GRIA4: variants seen among roughly 807,000 people sequenced by gnomAD.
GRIA4 encodes glutamate receptor 4.
In GRIA4, 34 loss-of-function variants were observed where a neutral mutation model predicts 104.0. The ratio of observed to expected loss-of-function variants is 0.33; its 90% confidence interval spans 0.25 to 0.44. GRIA4 has a LOEUF of 0.44. GRIA4 is among the 20% of genes least tolerant of loss of function. The probability of loss-of-function intolerance (pLI) is 1.00; values close to 1 mark genes in which losing one functional copy is unlikely to be tolerated. For synonymous variants in GRIA4, 386 were observed against 381.9 expected (o/e 1.01, Z -0.13); for missense variants, 750 against 1,096.5 (o/e 0.68, Z 4.46).
intron 4 of GRIA4, among the ~76,000 whole-genome samples, chr11:105,777,837 C>A (rs1941520063): frequency 6.6e-6 from 1 of 152,078 alleles, no homozygotes; most frequent in Admixed American, 6.6e-5. Context: ...CTAACAGAAA[C>A]CCACTACAGC....
intron 10 of GRIA4, chr11:105,913,270 T>C (rs1947307351): frequency 2.1e-6 from 1 of 467,338 alleles, no homozygotes; most frequent in Non-Finnish European, 2.8e-6. Context: ...GCTATCTTTA[T>C]TAAATATAAT....
intron 13 of GRIA4, among the ~76,000 whole-genome samples, chr11:105,931,474 C>T (rs1322808217): frequency 3.3e-5 from 5 of 151,816 alleles, no homozygotes; most frequent in African/African-American, 4.8e-5. Flanking sequence ...GAGGCCGAGG[C>T]GGTGGATTAC....
chr11:105,691,926 A>C (rs1470759265), intron 3 of GRIA4, among the ~76,000 whole-genome samples: 1 of 116,398 alleles, frequency 8.6e-6, no homozygotes, highest in Non-Finnish European at 1.7e-5. Context: ...CAAGAGCAAA[A>C]CTCCGTCTCA....
At chr11:105,824,489 C>T (rs970114353) in intron 4 of GRIA4, 3 of 152,022 alleles carry the variant, frequency 2.0e-5, no homozygotes, top group South Asian at 2.1e-4. Flanking sequence ...TTCACAATAG[C>T]GTTGCATCAC....
At chr11:105,905,479 T>A (rs1403787188) in intron 9 of GRIA4, among the ~76,000 whole-genome samples, 178 bp downstream of exon 9, 1 of 152,234 alleles carries the variant, frequency 6.6e-6, no homozygotes, top group Non-Finnish European at 1.5e-5. Flanking sequence ...TGTAATTGTA[T>A]TTAGTAGTGT....
At chr11:105,731,720 C>A (rs1027462150) in intron 3 of GRIA4, among the ~76,000 whole-genome samples, 3 of 152,096 alleles carry the variant, frequency 2.0e-5, no homozygotes, top group Non-Finnish European at 4.4e-5. Context: ...AGTTCATGTA[C>A]TTTGCAGGGA....
chr11:105,932,927 G>A (rs1947924020), intron 13 of GRIA4, among the ~76,000 whole-genome samples: 2 of 151,722 alleles, frequency 1.3e-5, no homozygotes, highest in Admixed American at 6.6e-5. Flanking sequence ...TAAAATTTGG[G>A]GGCATGAAAA....
At chr11:105,906,398 G>A (rs904761722) in intron 9 of GRIA4, among the ~76,000 whole-genome samples, 1 of 152,136 alleles carries the variant, frequency 6.6e-6, no homozygotes, top group Admixed American at 6.5e-5. Context: ...CATGGAGGAG[G>A]TGGGATTTAA....
chr11:105,717,860 C>A (rs1954152642), intron 3 of GRIA4, among the ~76,000 whole-genome samples: 1 of 105,668 alleles, frequency 9.5e-6, no homozygotes, highest in African/African-American at 3.6e-5. Flanking sequence ...TATCCCTCCC[C>A]CCTCCCCCCA....
At chr11:105,667,543 T>C (rs1225987219) in intron 3 of GRIA4, among the ~76,000 whole-genome samples, 1 of 152,164 alleles carries the variant, frequency 6.6e-6, no homozygotes, top group South Asian at 2.1e-4. Context: ...TAGTTATCTC[T>C]ATGCCTCCCC....
chr11:105,823,800 C>A (rs1943663430), intron 4 of GRIA4, among the ~76,000 whole-genome samples: 1 of 151,888 alleles, frequency 6.6e-6, no homozygotes, highest in African/African-American at 2.4e-5. Context: ...TGAATTGTAT[C>A]CCCCTCCAAA....
intron 3 of GRIA4, among the ~76,000 whole-genome samples, chr11:105,691,654 T>G (rs1953087153): frequency 6.6e-6 from 1 of 152,070 alleles, no homozygotes; most frequent in Non-Finnish European, 1.5e-5. Context: ...AGTAAAAATG[T>G]GGCCAGGCGC....
chr11:105,697,889 C>T (rs1953340313), intron 3 of GRIA4, among the ~76,000 whole-genome samples: 1 of 151,780 alleles, frequency 6.6e-6, no homozygotes, highest in South Asian at 2.1e-4. Flanking sequence ...GAGAGAGAGC[C>T]TATAGCTTTC....
intron 4 of GRIA4, among the ~76,000 whole-genome samples, chr11:105,784,422 A>G (rs1941866243): frequency 6.6e-6 from 1 of 152,220 alleles, no homozygotes. Flanking sequence ...TTAATAAAAT[A>G]TTTAATTCAA....
intron 4 of GRIA4, among the ~76,000 whole-genome samples, chr11:105,786,024 A>G (rs1431549252): frequency 1.3e-5 from 2 of 151,440 alleles, no homozygotes; most frequent in Admixed American, 6.6e-5. Context: ...CCACACCTGT[A>G]GTCCCAGCTA....
At chr11:105,615,779 C>T (rs992497871) in intron 3 of GRIA4, among the ~76,000 whole-genome samples, 14 of 151,770 alleles carry the variant, frequency 9.2e-5, no homozygotes, top group Middle Eastern at 6.8e-3. Context: ...TGGCTGTTTT[C>T]TCATATTTTT....
chr11:105,887,171 C>T (rs1224283559), intron 5 of GRIA4, among the ~76,000 whole-genome samples: 1 of 152,048 alleles, frequency 6.6e-6, no homozygotes, highest in Non-Finnish European at 1.5e-5. Context: ...TGAAGTACAT[C>T]TAAATTCTTC....
intron 3 of GRIA4, among the ~76,000 whole-genome samples, chr11:105,731,876 G>T (rs569003116): frequency 2.0e-5 from 3 of 152,000 alleles, no homozygotes; most frequent in Non-Finnish European, 2.9e-5. Context: ...AGGGCCTGTC[G>T]GGGGGTGGGG....
At chr11:105,770,134 T>C (rs991819584) in intron 4 of GRIA4, among the ~76,000 whole-genome samples, 1 of 152,142 alleles carries the variant, frequency 6.6e-6, no homozygotes. Flanking sequence ...TCTAATTTGC[T>C]ATTCAACTTT....
Sources: gnomAD v4.1 joint callset for allele counts (sites outside exome capture counted in the v4.1 genomes callset) on GRCh38, gnomAD v4.1.1 for gene constraint, MANE v1.5 for transcripts, NCBI Gene and HGNC (gene_info 2026-07-23, HGNC 2026-07-21) for gene names.